PCNX1: variants seen among roughly 807,000 people sequenced by gnomAD.
PCNX1 encodes the protein pecanex-like protein 1.
A neutral mutation model predicts 242.2 loss-of-function variants in PCNX1; 78 were observed. The observed-to-expected ratio is 0.32, with a 90% CI of 0.27 to 0.39. The LOEUF (loss-of-function observed/expected upper bound fraction) is 0.39. Among genes scored for constraint, PCNX1 ranks in the 10% least tolerant of loss-of-function variants. PCNX1 has a pLI of 1.00. For synonymous variants in PCNX1, 1,024 were observed against 1,032.9 expected (o/e 0.99, Z 0.17); for missense variants, 2,581 against 2,856.5 (o/e 0.90, Z 2.20).
rs746388562 is a variant in PCNX1, at chr14:71,073,712, G to A, written c.5020G>A (p.Glu1674Lys). 3.1e-6 allele frequency: 5 copies of A among 1,613,874 alleles called. No homozygotes were observed. The highest frequency in any genetic ancestry group is 4.2e-6 in the Non-Finnish European group (5 of 1,179,908). ...WEVIVTKYIL[E>K]GYSITDNSAA... The stretch of plus-strand genomic sequence containing the variant: ...AGTGATAGTCACAAAGTACATTCTG[G>A]AGGGTTATAGCATCACTGATAACAG... The change falls in exon 27 of 36, where the codon GAG (glutamate) becomes AAG (lysine). Residue 1674 changes from glutamate (E) to lysine (K), a missense_variant. Glu to Lys is a moderately conservative substitution (Grantham distance 56). Coordinates refer to ENST00000304743, the MANE Select transcript of PCNX1 (RefSeq NM_014982.3).
chr14:71,007,717 A>G (rs1003898730), intron 8 of PCNX1, among the ~76,000 whole-genome samples: 4 of 152,196 alleles, frequency 2.6e-5, no homozygotes, highest in Non-Finnish European at 4.4e-5. Flanking sequence ...TTGATTATCC[A>G]ATAAATGAAT....
intron 26 of PCNX1, among the ~76,000 whole-genome samples, chr14:71,061,053 A>G (rs2061313944): frequency 6.6e-6 from 1 of 152,246 alleles, no homozygotes; most frequent in African/African-American, 2.4e-5. Flanking sequence ...ATTACTTCAC[A>G]GGGCAAATCT....
intron 1 of PCNX1, among the ~76,000 whole-genome samples, chr14:70,912,432 A>T (rs1264257162): frequency 2.0e-5 from 3 of 152,052 alleles, no homozygotes; most frequent in African/African-American, 7.3e-5. Context: ...CTTGATCAAT[A>T]TTCCTAACTA....
intron 8 of PCNX1, among the ~76,000 whole-genome samples, chr14:71,009,293 G>A (rs770477993): frequency 2.0e-5 from 3 of 152,184 alleles, no homozygotes; most frequent in African/African-American, 2.4e-5. Flanking sequence ...CCCCCTGCAA[G>A]TAGTTGTCAG....
At chr14:71,023,372 G>A in intron 13 of PCNX1, 140 bp downstream of exon 13, 1 of 655,776 alleles carries the variant, frequency 1.5e-6, no homozygotes, top group East Asian at 2.5e-5. Context: ...CCTCATCTAT[G>A]TTTTGACACA....
chr14:71,090,138 C>T (rs1422170973), intron 30 of PCNX1, among the ~76,000 whole-genome samples: 3 of 152,052 alleles, frequency 2.0e-5, no homozygotes, highest in Admixed American at 6.5e-5. Context: ...AATTTCATTC[C>T]ATGTGTTACA....
intron 18 of PCNX1, 129 bp downstream of exon 18, chr14:71,034,165 G>A: frequency 1.8e-6 from 1 of 569,552 alleles, no homozygotes; most frequent in Non-Finnish European, 3.1e-6. Flanking sequence ...TATAGGATTA[G>A]TTGTACATTG....
At chr14:70,928,905 G>T (rs933932169) in intron 1 of PCNX1, among the ~76,000 whole-genome samples, 2 of 152,130 alleles carry the variant, frequency 1.3e-5, no homozygotes, top group African/African-American at 2.4e-5. Context: ...CTTTTGGCTT[G>T]CTGCTACTTG....
At chr14:70,947,204 TTG>T in intron 2 of PCNX1, 81 bp downstream of exon 2, 1 of 1,055,842 alleles carries the variant, frequency 9.5e-7, no homozygotes, top group Non-Finnish European at 1.4e-6. Flanking sequence ...TATATTGTAC[TTG>T]TTTTCTTTAT....
intron 2 of PCNX1, among the ~76,000 whole-genome samples, chr14:70,949,124 A>C (rs1176717477): frequency 1.5e-5 from 2 of 130,552 alleles, no homozygotes; most frequent in African/African-American, 5.2e-5. Flanking sequence ...ATATGTGTAT[A>C]TATGTACATA....
intron 2 of PCNX1, among the ~76,000 whole-genome samples, chr14:70,955,672 T>C (rs2057965165): frequency 6.6e-6 from 1 of 152,214 alleles, no homozygotes; most frequent in African/African-American, 2.4e-5. Context: ...GTGAGAATTA[T>C]AAACTACTAT....
At chr14:70,921,134 A>G (rs2056358772) in intron 1 of PCNX1, among the ~76,000 whole-genome samples, 1 of 152,140 alleles carries the variant, frequency 6.6e-6, no homozygotes, top group Admixed American at 6.5e-5. Context: ...TGTATCTGGA[A>G]TGGTTAAAAG....
intron 13 of PCNX1, among the ~76,000 whole-genome samples, chr14:71,025,406 C>T (rs1301359890): frequency 6.6e-6 from 1 of 151,804 alleles, no homozygotes; most frequent in African/African-American, 2.4e-5. Flanking sequence ...TAGCCAGAAA[C>T]CAGTCTTTTC....
intron 26 of PCNX1, among the ~76,000 whole-genome samples, chr14:71,072,653 G>T (rs1011749025): frequency 2.0e-5 from 3 of 152,080 alleles, no homozygotes; most frequent in African/African-American, 7.2e-5. Flanking sequence ...AAAAATTATT[G>T]TGCAGCCTGA....
Position 70,978,462 on chromosome 14 carries a change from G to A in PCNX1, c.2125G>A (p.Ala709Thr). 6.2e-7 allele frequency: 1 copy of A among 1,614,120 alleles called. No homozygotes were observed. The highest frequency in any genetic ancestry group is 8.5e-7 in the Non-Finnish European group (1 of 1,179,992). Reference sequence around the variant, plus strand: ...TTTGAATGACTCAAACAGGTTAATGGCACCTGAAAGTATAAAGCCCTTAAC... The same window carrying A: ...TTTGAATGACTCAAACAGGTTAATGACACCTGAAAGTATAAAGCCCTTAAC... Reference protein sequence around the residue: ...ACLNDSNRLMAPESIKPLTTS... With the variant: ...ACLNDSNRLMTPESIKPLTTS... Residue 709 changes from alanine to threonine, a missense_variant, in exon 6 of 36, where the codon GCA (alanine) becomes ACA (threonine). By Grantham distance (58) the Ala-to-Thr change is moderately conservative. Transcript: ENST00000304743.
intron 13 of PCNX1, 32 bp downstream of exon 13, chr14:71,023,264 A>T: frequency 6.7e-7 from 1 of 1,490,294 alleles, no homozygotes; most frequent in Non-Finnish European, 9.4e-7. Context: ...TGTACATTAT[A>T]GGTCCTTAAC....
intron 11 of PCNX1, among the ~76,000 whole-genome samples, chr14:71,015,518 A>T (rs2059939173): frequency 6.6e-6 from 1 of 152,082 alleles, no homozygotes. Context: ...TGTATTGTAA[A>T]CCCTAGGCTG....
At chr14:70,958,256 CTTAG>C (rs1244141331) in intron 2 of PCNX1, among the ~76,000 whole-genome samples, 1 of 152,004 alleles carries the variant, frequency 6.6e-6, no homozygotes, top group Non-Finnish European at 1.5e-5. Context: ...TTTGTTGAAC[CTTAG>C]TTAGCTACTG....
chr14:71,055,206 A>G (rs2061148185), intron 24 of PCNX1, among the ~76,000 whole-genome samples: 1 of 151,840 alleles, frequency 6.6e-6, no homozygotes, highest in South Asian at 2.1e-4. Context: ...TACAGTATAC[A>G]TTTTTTTCAT....
Sources: gnomAD v4.1 joint callset for allele counts (sites outside exome capture counted in the v4.1 genomes callset) on GRCh38, gnomAD v4.1.1 for gene constraint, MANE v1.5 for transcripts, NCBI Gene and HGNC (gene_info 2026-07-23, HGNC 2026-07-21) for gene names.